PAPPA2: variants seen among roughly 807,000 people sequenced by gnomAD.
PAPPA2 encodes pappalysin-2.
A neutral mutation model predicts 176.4 loss-of-function variants in PAPPA2; 86 were observed. The observed-to-expected ratio is 0.49, with a 90% confidence interval of 0.41 to 0.58. PAPPA2 has a LOEUF of 0.58. Among genes scored for constraint, PAPPA2 ranks in the 20% least tolerant of loss-of-function variants. The pLI is 0.00. For synonymous variants in PAPPA2, 809 were observed against 852.2 expected (o/e 0.95, Z 0.88); for missense variants, 2,073 against 2,256.9 (o/e 0.92, Z 1.65).
rs1245048813 is a variant in PAPPA2 at position 176,556,442 on chromosome 1, G to C, written c.120G>C (p.Leu40=). The change falls in exon 2 of 23, where the codon CTG becomes CTC. Residue 40 remains leucine (L), a synonymous_variant. Transcript: ENST00000367662. The part of the protein sequence containing the change: ...RKKSLVEREH[L]NQVLLEGERC... ...AATCCTTGGTTGAGAGGGAACACCT[G>C]AATCAGGTGCTGTTGGAAGGAGAAC... The C allele has an allele frequency of 6.2e-7, 1 of 1,614,214 alleles. No homozygotes were observed. The highest frequency in any genetic ancestry group is 2.2e-5 in the East Asian group (1 of 44,874).
intron 3 of PAPPA2, among the ~76,000 whole-genome samples, chr1:176,630,644 G>T (rs1052650010): frequency 6.6e-6 from 1 of 152,098 alleles, no homozygotes; most frequent in African/African-American, 2.4e-5. Context: ...AGCAGTGGCA[G>T]CAAAAGTGGA....
At chr1:176,762,223 C>T (rs575548484) in intron 14 of PAPPA2, among the ~76,000 whole-genome samples, 21 of 150,226 alleles carry the variant, frequency 1.4e-4, no homozygotes, top group African/African-American at 4.9e-4. Context: ...AACCATTTCT[C>T]ACTTCATAAA....
intron 15 of PAPPA2, among the ~76,000 whole-genome samples, chr1:176,767,747 G>T (rs1424776300): frequency 2.0e-5 from 3 of 152,194 alleles, no homozygotes; most frequent in Non-Finnish European, 2.9e-5. Flanking sequence ...AAGGGTGGGA[G>T]CTCACGCTTT....
chr1:176,575,379 CAT>C lies in PAPPA2; in HGVS notation c.919+18140_919+18141del, dbSNP rs149212537. On this transcript the variant is annotated intron_variant, in intron 2 of 22. Coordinates refer to ENST00000367662, the MANE Select transcript of PAPPA2 (RefSeq NM_020318.3). ...AATATAATCATTATAATTTTTAACA[CAT>C]AAATCTGATTAGATCACCATCTGCC... Among the ~76,000 whole-genome samples the C allele has an allele frequency of 3.6e-4, 55 of 152,122 alleles. No homozygotes were observed. In the East Asian group the frequency reaches 9.6e-3, roughly 27 times the overall value.
At chr1:176,635,093 G>C (rs1039519155) in intron 3 of PAPPA2, among the ~76,000 whole-genome samples, 1 of 152,092 alleles carries the variant, frequency 6.6e-6, no homozygotes, top group Non-Finnish European at 1.5e-5. Flanking sequence ...CAAAAGAGGA[G>C]CTACCTAAGA....
At chr1:176,768,714 C>T (rs916476410) in intron 15 of PAPPA2, among the ~76,000 whole-genome samples, 4 of 152,074 alleles carry the variant, frequency 2.6e-5, no homozygotes, top group South Asian at 2.1e-4. Flanking sequence ...CTTAGGTGCT[C>T]GATAAATATC....
Position 176,594,978 on chromosome 1 carries a change from G to C in PAPPA2, c.1374G>C (p.Ala458=). 1 of 1,614,152 alleles carries C rather than the reference G, an allele frequency of 6.2e-7. No homozygotes were observed. Among genetic ancestry groups the C allele is most frequent in the Non-Finnish European group, 8.5e-7 (1 of 1,180,030 alleles). ...EEEATDLVLT[A]SFEPVNTEWV... ...AAGCGACTGACTTGGTCCTGACAGCGAGCTTTGAGCCTGTGAACACAGAGT... is the reference window on the plus strand; with the variant it reads ...AAGCGACTGACTTGGTCCTGACAGCCAGCTTTGAGCCTGTGAACACAGAGT... Residue 458 remains alanine, a synonymous_variant, in exon 3 of 23, where the codon GCG becomes GCC. Transcript: ENST00000367662.
At chr1:176,469,738 C>G (rs1651787149) in intron 1 of PAPPA2, among the ~76,000 whole-genome samples, 2 of 152,178 alleles carry the variant, frequency 1.3e-5, no homozygotes, top group South Asian at 4.1e-4. Flanking sequence ...ACAGGAAGGT[C>G]TGAGACATTT....
At chr1:176,493,237 T>C (rs770339805) in intron 1 of PAPPA2, among the ~76,000 whole-genome samples, 5 of 152,234 alleles carry the variant, frequency 3.3e-5, no homozygotes, top group Non-Finnish European at 5.9e-5. Context: ...TCTCTTGCTC[T>C]TTCCTACTCT....
intron 21 of PAPPA2, among the ~76,000 whole-genome samples, chr1:176,807,275 G>C (rs963942720): frequency 1.3e-5 from 2 of 152,134 alleles, no homozygotes; most frequent in African/African-American, 4.8e-5. Context: ...GTGTGTATAT[G>C]TTGAGAGGGC....
rs571983139 is a variant in PAPPA2 at position 176,785,635 on chromosome 1, A to G, written c.4716-4174A>G. Among the ~76,000 whole-genome samples, 8 of 152,110 alleles carry G rather than the reference A, an allele frequency of 5.3e-5. 1 individual carries two copies. Among genetic ancestry groups the G allele is most frequent in the African/African-American group, 1.4e-4 (6 of 41,488 alleles). The stretch of plus-strand genomic sequence containing the variant: ...AGTCTGGGTCCGGTGTAACTGTTCT[A>G]TTCTCTTGCTGCTTTCTAGCCATCC... On this transcript the variant is annotated intron_variant, in intron 17 of 22. Coordinates refer to ENST00000367662, the MANE Select transcript of PAPPA2 (RefSeq NM_020318.3).
At chr1:176,816,662 C>T (rs988318050) in intron 21 of PAPPA2, among the ~76,000 whole-genome samples, 1 of 151,402 alleles carries the variant, frequency 6.6e-6, no homozygotes, top group African/African-American at 2.4e-5. Flanking sequence ...TTTAGTGGAA[C>T]TTCTGGAAGG....
At chr1:176,612,469 A>T (rs138225750) in intron 3 of PAPPA2, among the ~76,000 whole-genome samples, 1 of 152,174 alleles carries the variant, frequency 6.6e-6, no homozygotes, top group Non-Finnish European at 1.5e-5. Context: ...CAGTATACAA[A>T]GTGATTGCCC....
At position 176,556,374 on chromosome 1, in the gene PAPPA2, G is replaced by T; in HGVS notation, c.52G>T (p.Ala18Ser). The T allele has an allele frequency of 6.2e-7, 1 of 1,614,192 alleles. No homozygotes were observed. Among genetic ancestry groups the T allele is most frequent in the Non-Finnish European group, 8.5e-7 (1 of 1,180,030 alleles). The part of the protein sequence containing the change: ...RISLAILAGW[A>S]LCSANSELGW... ...AAGCCTGGCGATTTTGGCTGGGTGG[G>T]CACTCTGTTCTGCCAACTCTGAGCT... The change falls in exon 2 of 23, where the codon GCA (alanine) becomes TCA (serine). Residue 18 changes from alanine to serine, a missense_variant. Around this residue, in one of 4 missense-constraint regions of PAPPA2, gnomAD observed 1,196 missense variants for 1,330.4 expected, o/e 0.90. Coordinates refer to ENST00000367662, the MANE Select transcript of PAPPA2 (RefSeq NM_020318.3).
chr1:176,486,910 C>G (rs949883495), intron 1 of PAPPA2, among the ~76,000 whole-genome samples: 8 of 148,512 alleles, frequency 5.4e-5, no homozygotes, highest in African/African-American at 2.0e-4. Context: ...GGGAAAGGAG[C>G]TAATGTGAGA....
rs144502400 is a variant in PAPPA2 at position 176,765,704 on chromosome 1, C to T, written c.4190C>T (p.Pro1397Leu). The T allele has an allele frequency of 1.3e-4, 208 of 1,614,032 alleles. No homozygotes were observed. The African/African-American group carries it at 2.1e-3, about 16-fold the overall frequency. The change falls in exon 15 of 23, where the codon CCG becomes CTG. Residue 1397 changes from proline to leucine, a missense_variant. Physicochemically the swap from Pro to Leu is moderately conservative, Grantham distance 98. Transcript: ENST00000367662. The part of the protein sequence containing the change: ...HRPCGKQDSC[P>L]SLLLDHADVV... ...CCCTGTGGGAAGCAGGACAGCTGTC[C>T]GTCATTGCTGCTTGATCATGCTGAT... is the stretch of plus-strand genomic sequence containing the variant.
chr1:176,619,930 T>C (rs1009875725), intron 3 of PAPPA2, among the ~76,000 whole-genome samples: 1 of 152,192 alleles, frequency 6.6e-6, no homozygotes, highest in African/African-American at 2.4e-5. Flanking sequence ...GTATGGTGTA[T>C]TGAAGAAACC....
At chr1:176,797,708 C>T (rs191080436) in intron 20 of PAPPA2, among the ~76,000 whole-genome samples, 4 of 152,052 alleles carry the variant, frequency 2.6e-5, no homozygotes. Context: ...CACCAGGAGC[C>T]AGCCCTTCCC....
At chr1:176,678,026 A>G (rs1254584369) in intron 4 of PAPPA2, among the ~76,000 whole-genome samples, 1 of 152,194 alleles carries the variant, frequency 6.6e-6, no homozygotes, top group Non-Finnish European at 1.5e-5. Flanking sequence ...AAGAGTTTCC[A>G]GAGGGGCTGA....
Sources: gnomAD v4.1 joint callset for allele counts (sites outside exome capture counted in the v4.1 genomes callset) on GRCh38, gnomAD v4.1.1 for gene constraint, gnomAD v4.1.1 regional missense constraint, MANE v1.5 for transcripts, NCBI Gene and HGNC (gene_info 2026-07-23, HGNC 2026-07-21) for gene names.